The following BCAS1 variants were observed in gnomAD, a reference collection of about 807,000 sequenced individuals.
The protein encoded by BCAS1 is breast carcinoma-amplified sequence 1.
In BCAS1, 46 loss-of-function variants were observed where a neutral mutation model predicts 65.4. That is an observed-to-expected ratio of 0.70 (90% CI 0.55 to 0.90). The LOEUF is 0.90. BCAS1 is among the 40% of genes least tolerant of loss of function. The probability of loss-of-function intolerance (pLI) is 0.00; values close to 1 mark genes in which losing one functional copy is unlikely to be tolerated. For synonymous variants in BCAS1, 298 were observed against 293.5 expected (o/e 1.02, Z -0.16); for missense variants, 793 against 771.2 (o/e 1.03, Z -0.33).
chr20:54,002,631 A>C (rs569946744), intron 4 of BCAS1, among the ~76,000 whole-genome samples: 3 of 146,892 alleles, frequency 2.0e-5, no homozygotes, highest in African/African-American at 7.3e-5. Context: ...GTGTATTTGA[A>C]ATATGAACTT....
intron 11 of BCAS1, among the ~76,000 whole-genome samples, chr20:53,956,453 C>G (rs2089702014): frequency 6.6e-6 from 1 of 152,224 alleles, no homozygotes; most frequent in Admixed American, 6.5e-5. Context: ...AAGCAACCAC[C>G]TATGGCATTT....
At chr20:54,040,896 C>A (rs1398849536) in intron 3 of BCAS1, among the ~76,000 whole-genome samples, 3 of 151,218 alleles carry the variant, frequency 2.0e-5, no homozygotes, top group Non-Finnish European at 4.4e-5. Context: ...ATGTCCATAG[C>A]AGCATTTTCA....
intron 4 of BCAS1, among the ~76,000 whole-genome samples, chr20:53,999,302 T>C (rs996500778): frequency 6.6e-6 from 1 of 152,252 alleles, no homozygotes; most frequent in South Asian, 2.1e-4. Context: ...TATGCTTGTA[T>C]AGCTTTACAG....
intron 7 of BCAS1, among the ~76,000 whole-genome samples, chr20:53,991,299 C>T (rs906125381): frequency 6.6e-6 from 1 of 152,208 alleles, no homozygotes; most frequent in African/African-American, 2.4e-5. Flanking sequence ...CAATATTTAT[C>T]ATTCCCCATT....
In BCAS1 at chr20:54,031,522, A is replaced by G. The variant is rs891502031; in HGVS notation, c.143-2550T>C. Among the ~76,000 whole-genome samples, 8 of 151,274 alleles carry G rather than the reference A, an allele frequency of 5.3e-5. No individual in the cohort carries two copies. In the South Asian group the frequency reaches 1.0e-3, roughly 20 times the overall value. ...CTCACCTCCTAGGTGGGCACCTGAC[A>G]TAAGATAGACTAATAAAAATAAGTC... is the stretch of plus-strand genomic sequence containing the variant. On this transcript the variant is annotated intron_variant, in intron 3 of 12. Coordinates refer to ENST00000688948, the MANE Select transcript of BCAS1 (RefSeq NM_001366298.2).
intron 12 of BCAS1, 72 bp from the exon 13 acceptor site, chr20:53,945,068 G>A (rs2089268058): frequency 7.9e-7 from 1 of 1,271,328 alleles, no homozygotes; most frequent in East Asian, 2.3e-5. Context: ...GGCCATTTAT[G>A]TAGCACTTAC....
chr20:54,066,579 A>G (rs1312700633), intron 1 of BCAS1, among the ~76,000 whole-genome samples: 1 of 152,220 alleles, frequency 6.6e-6, no homozygotes, highest in Non-Finnish European at 1.5e-5. Context: ...AGAAGGGTGG[A>G]CCTTGATCTG....
At chr20:54,018,885 G>C (rs2091499089) in intron 4 of BCAS1, among the ~76,000 whole-genome samples, 1 of 152,136 alleles carries the variant, frequency 6.6e-6, no homozygotes, top group Non-Finnish European at 1.5e-5. Flanking sequence ...CTGGAGAGTG[G>C]GTGCCCCATC....
rs553073933 is a variant in BCAS1 at position 53,943,548 on chromosome 20, G to A, written c.*1374C>T. 2 of 152,324 alleles carry A rather than the reference G, an allele frequency of 1.3e-5. No homozygotes were observed. Among genetic ancestry groups the A allele is most frequent in the East Asian group, 1.9e-4 (1 of 5,192 alleles). 9.4% of individuals were successfully genotyped at this position (152,324 alleles called of 1,614,324 possible). On this transcript the variant is annotated 3_prime_UTR_variant, in exon 13 of 13. Coordinates refer to ENST00000688948, the MANE Select transcript of BCAS1 (RefSeq NM_001366298.2). ...TTGAAAATTAAAAGATACTTTAGAA[G>A]TAAATGTATTTTTTATTAAATCAGA...
intron 3 of BCAS1, among the ~76,000 whole-genome samples, chr20:54,055,228 G>C (rs1050115312): frequency 6.6e-6 from 1 of 152,188 alleles, no homozygotes; most frequent in Non-Finnish European, 1.5e-5. Context: ...ATGGGAAATA[G>C]TATGGAAGTT....
At chr20:54,009,909 C>T (rs1333158100) in intron 4 of BCAS1, among the ~76,000 whole-genome samples, 1 of 152,116 alleles carries the variant, frequency 6.6e-6, no homozygotes, top group Non-Finnish European at 1.5e-5. Context: ...TATAGGTTTG[C>T]AAGCTTGATT....
intron 7 of BCAS1, among the ~76,000 whole-genome samples, chr20:53,985,712 C>T (rs73140339): frequency 0.011 from 1,701 of 152,028 alleles, 11 homozygotes; most frequent in Middle Eastern, 0.044. Flanking sequence ...AAAAAATAAA[C>T]ATAGAAGCAT....
At chr20:54,024,276 A>G (rs925597652) in intron 4 of BCAS1, among the ~76,000 whole-genome samples, 1 of 152,222 alleles carries the variant, frequency 6.6e-6, no homozygotes, top group African/African-American at 2.4e-5. Context: ...TAGTTCTTTA[A>G]TTCCAATTCT....
chr20:54,050,941 C>T (rs2092201289), intron 3 of BCAS1, among the ~76,000 whole-genome samples: 1 of 152,188 alleles, frequency 6.6e-6, no homozygotes. Context: ...AAGAAACAAA[C>T]TAGAAAACAA....
chr20:54,055,948 A>G (rs1273201843), intron 3 of BCAS1, among the ~76,000 whole-genome samples: 1 of 152,180 alleles, frequency 6.6e-6, no homozygotes, highest in African/African-American at 2.4e-5. Context: ...ACAGAAAGAC[A>G]AATACTATAT....
chr20:54,066,055 C>T (rs2092436027), intron 1 of BCAS1, among the ~76,000 whole-genome samples: 1 of 151,932 alleles, frequency 6.6e-6, no homozygotes, highest in African/African-American at 2.4e-5. Context: ...TATCAGAACC[C>T]GATGAGGCAG....
At chr20:53,982,655 TTCAAAAA>T (rs1266101538) in intron 8 of BCAS1, among the ~76,000 whole-genome samples, 1 of 152,156 alleles carries the variant, frequency 6.6e-6, no homozygotes, top group Admixed American at 6.5e-5. Context: ...TTCAAAACTC[TTCAAAAA>T]TTTACAAGGG....
intron 3 of BCAS1, among the ~76,000 whole-genome samples, chr20:54,033,223 C>T (rs1162773612): frequency 6.6e-6 from 1 of 150,996 alleles, no homozygotes; most frequent in African/African-American, 2.4e-5. Context: ...AACAATCTAA[C>T]CTCACAACTA....
At position 53,995,023 on chromosome 20, in the gene BCAS1, G is replaced by C. The variant is rs1419503836; in HGVS notation, c.916C>G (p.Pro306Ala). ...TTCCAACTACCTACCGTGTCTTCTG[G>C]GTCCTTTTTTGTTTCAGCTTTGTTA... ...SPNKAETKKDPEDTASKAESV... is the reference protein window; with the variant it reads ...SPNKAETKKDAEDTASKAESV... The change falls in exon 6 of 13, where the codon CCA (proline) becomes GCA (alanine). Residue 306 changes from proline to alanine, a missense_variant. Transcript: ENST00000688948. 5 of 1,612,974 alleles carry C rather than the reference G, an allele frequency of 3.1e-6. No individual in the cohort carries two copies. In the Admixed American group the frequency reaches 5.0e-5, roughly 16 times the overall value.
Sources: gnomAD v4.1 joint callset for allele counts (sites outside exome capture counted in the v4.1 genomes callset) on GRCh38, gnomAD v4.1.1 for gene constraint, MANE v1.5 for transcripts, NCBI Gene and HGNC (gene_info 2026-07-23, HGNC 2026-07-21) for gene names.